WDPCP: variants seen among roughly 807,000 people sequenced by gnomAD.
The protein encoded by WDPCP is WD repeat containing planar cell polarity effector.
In WDPCP, 71 loss-of-function variants were observed where a neutral mutation model predicts 93.1. That is an observed-to-expected ratio of 0.76 (90% CI 0.63 to 0.93). The LOEUF is 0.93. WDPCP is among the 40% of genes least tolerant of loss of function. The pLI, the probability that WDPCP is intolerant of heterozygous loss-of-function variation, is 0.00. For synonymous variants in WDPCP, 315 were observed against 315.0 expected, an observed-to-expected ratio of 1.00 and a Z score of 0.00; for missense variants, 844 against 887.4, an observed-to-expected ratio of 0.95 and a Z score of 0.62.
intron 14 of WDPCP, among the ~76,000 whole-genome samples, chr2:63,242,133 T>C (rs1679904830): frequency 2.6e-5 from 4 of 152,178 alleles, no homozygotes; most frequent in African/African-American, 7.2e-5. Flanking sequence ...TCTTTTACAT[T>C]CTTTATATTA....
At chr2:63,770,524 C>T (rs1670208209) in intron 2 of WDPCP, among the ~76,000 whole-genome samples, 1 of 151,762 alleles carries the variant, frequency 6.6e-6, no homozygotes, top group African/African-American at 2.4e-5. Context: ...TAATAAATCA[C>T]AGAACTTAAC....
At chr2:63,276,175 A>G (rs1683076299) in intron 13 of WDPCP, among the ~76,000 whole-genome samples, 1 of 152,232 alleles carries the variant, frequency 6.6e-6, no homozygotes, top group African/African-American at 2.4e-5. Context: ...CCCTAGGGGA[A>G]AGGTGGAGAA....
In WDPCP at chr2:63,404,291, G is replaced by T; in HGVS notation, c.1192C>A (p.Gln398Lys). 1 of 1,614,098 alleles carries T rather than the reference G, an allele frequency of 6.2e-7. No individual in the cohort carries two copies. Among genetic ancestry groups the T allele is most frequent in the East Asian group, 2.2e-5 (1 of 44,878 alleles). ...SGAILLVGSN[Q>K]GELQIFDMAL... ...ATATCAAAAATTTGCAACTCCCCTT[G>T]GTTGCTGCCAACTAGCAGAATGGCA... Residue 398 changes from glutamine (Q) to lysine (K), a missense_variant, in exon 10 of 18, where the codon CAA becomes AAA. Coordinates refer to ENST00000272321, the MANE Select transcript of WDPCP (RefSeq NM_015910.7).
At chr2:63,491,985 T>C (rs1231092478) in intron 2 of WDPCP, among the ~76,000 whole-genome samples, 4 of 152,332 alleles carry the variant, frequency 2.6e-5, no homozygotes, top group Admixed American at 1.3e-4. Flanking sequence ...TATTCCTTTA[T>C]TGGCATCTTA....
chr2:63,469,554 G>C (rs1253522856), intron 6 of WDPCP, among the ~76,000 whole-genome samples: 2 of 152,160 alleles, frequency 1.3e-5, no homozygotes, highest in Non-Finnish European at 2.9e-5. Flanking sequence ...CCAGGAACAT[G>C]GATAGCGCTG....
At chr2:63,265,837 G>C (rs1406186500) in intron 13 of WDPCP, among the ~76,000 whole-genome samples, 1 of 152,162 alleles carries the variant, frequency 6.6e-6, no homozygotes, top group Non-Finnish European at 1.5e-5. Flanking sequence ...ATTTATCCCA[G>C]AAACGCAAGT....
At chr2:63,389,692 A>G (rs990858612) in intron 10 of WDPCP, among the ~76,000 whole-genome samples, 2 of 152,180 alleles carry the variant, frequency 1.3e-5, no homozygotes, top group African/African-American at 4.8e-5. Context: ...AAATAAAGGG[A>G]TGGAAGAAGA....
intron 3 of WDPCP, among the ~76,000 whole-genome samples, chr2:63,624,735 G>A (rs896209593): frequency 4.6e-5 from 7 of 152,100 alleles, no homozygotes; most frequent in Admixed American, 3.9e-4. Flanking sequence ...ATTCACAGCC[G>A]AATTCTACCA....
rs943981673 is a variant in WDPCP at position 63,341,273 on chromosome 2, A to C, written c.1749-27962T>G. Among the ~76,000 whole-genome samples, 4 of 151,936 alleles carry C rather than the reference A, an allele frequency of 2.6e-5. No homozygotes were observed. The East Asian group carries it at 7.8e-4, about 30-fold the overall frequency. Reference sequence around the variant, plus strand: ...CCTCCTGAGTAGCTGGGACTACAGGAGCGCACCACCATGCCCAGCTAATTT... The same window carrying C: ...CCTCCTGAGTAGCTGGGACTACAGGCGCGCACCACCATGCCCAGCTAATTT... On this transcript the variant is annotated intron_variant, in intron 12 of 17. Coordinates refer to ENST00000272321, the MANE Select transcript of WDPCP (RefSeq NM_015910.7).
intron 2 of WDPCP, among the ~76,000 whole-genome samples, chr2:63,735,780 G>C (rs1472201247): frequency 6.6e-6 from 1 of 152,108 alleles, no homozygotes; most frequent in Admixed American, 6.5e-5. Flanking sequence ...TCATATTCTT[G>C]TTGTTAATTG....
intron 15 of WDPCP, among the ~76,000 whole-genome samples, chr2:63,156,085 C>T (rs917182124): frequency 1.1e-4 from 16 of 152,198 alleles, no homozygotes; most frequent in Admixed American, 3.3e-4. Context: ...CTGCAACCTC[C>T]GCCCCCCGGA....
intron 16 of WDPCP, 118 bp downstream of exon 16, chr2:63,153,377 T>C: frequency 2.6e-6 from 2 of 758,464 alleles, no homozygotes; most frequent in Non-Finnish European, 4.3e-6. Flanking sequence ...AGCAGTCTTA[T>C]ACCAACTAGA....
chr2:63,381,224 A>G (rs972661811), intron 11 of WDPCP, among the ~76,000 whole-genome samples: 1 of 152,156 alleles, frequency 6.6e-6, no homozygotes, highest in African/African-American at 2.4e-5. Flanking sequence ...TGGCAAATAT[A>G]AAGATTTATT....
chr2:63,211,299 C>G (rs1376592063), intron 14 of WDPCP, among the ~76,000 whole-genome samples: 1 of 152,202 alleles, frequency 6.6e-6, no homozygotes, highest in Non-Finnish European at 1.5e-5. Flanking sequence ...ATTTGCCATT[C>G]TGCAATATTT....
At chr2:63,326,512 A>G (rs1687554953) in intron 12 of WDPCP, among the ~76,000 whole-genome samples, 1 of 152,106 alleles carries the variant, frequency 6.6e-6, no homozygotes, top group Non-Finnish European at 1.5e-5. Context: ...ACCAGCAGAA[A>G]GGAAAGAGAG....
At chr2:63,708,303 T>C (rs1669200108) in intron 2 of WDPCP, among the ~76,000 whole-genome samples, 1 of 152,214 alleles carries the variant, frequency 6.6e-6, no homozygotes, top group Admixed American at 6.5e-5. Flanking sequence ...CCGCTTTGTT[T>C]ACCTACTCAA....
chr2:63,592,153 A>G (rs1308112884), upstream of WDPCP, among the ~76,000 whole-genome samples: 2 of 152,208 alleles, frequency 1.3e-5, no homozygotes, highest in Non-Finnish European at 2.9e-5. Context: ...TACCAAGTAC[A>G]TGATAGGAAC....
intron 2 of WDPCP, among the ~76,000 whole-genome samples, chr2:63,719,968 G>A (rs529322198): frequency 1.6e-4 from 24 of 152,136 alleles, no homozygotes; most frequent in African/African-American, 5.5e-4. Flanking sequence ...GAAAATACCT[G>A]GATACCCAAG....
At chr2:63,756,226 A>G (rs1672528640) in intron 2 of WDPCP, among the ~76,000 whole-genome samples, 1 of 152,228 alleles carries the variant, frequency 6.6e-6, no homozygotes, top group Admixed American at 6.5e-5. Flanking sequence ...TGAAGATAGT[A>G]TATATTCATT....
Sources: gnomAD v4.1 joint callset for allele counts (sites outside exome capture counted in the v4.1 genomes callset) on GRCh38, gnomAD v4.1.1 for gene constraint, MANE v1.5 for transcripts, NCBI Gene and HGNC (gene_info 2026-07-23, HGNC 2026-07-21) for gene names.